Variants in UBR3 observed in about 807,000 individuals in gnomAD.
The protein encoded by UBR3 is E3 ubiquitin-protein ligase UBR3.
In UBR3, 85 loss-of-function variants were observed where a neutral mutation model predicts 243.2. The observed-to-expected ratio is 0.35, with a 90% CI of 0.29 to 0.42. UBR3 has a LOEUF of 0.42. UBR3 is among the 10% of genes least tolerant of loss of function. The pLI, the probability that UBR3 is intolerant of heterozygous loss-of-function variation, is 1.00. For missense variants in UBR3, 1,686 were observed against 2,300.8 expected (o/e 0.73, Z 5.47); for synonymous variants, 748 against 799.8 (o/e 0.94, Z 1.09).
chr2:169,969,784 C>A (rs1029255902), intron 24 of UBR3, among the ~76,000 whole-genome samples: 1 of 143,850 alleles, frequency 7.0e-6, no homozygotes, highest in Non-Finnish European at 1.6e-5. Context: ...CTCCTGACCT[C>A]GTGATCCGCC....
intron 25 of UBR3, among the ~76,000 whole-genome samples, chr2:169,988,331 A>G (rs1330898450): frequency 1.3e-5 from 2 of 152,162 alleles, no homozygotes; most frequent in African/African-American, 2.4e-5. Context: ...CTCCAGTGAA[A>G]CTTATGTTCT....
chr2:169,884,547 T>A (rs1559057126), intron 5 of UBR3, among the ~76,000 whole-genome samples: 1 of 152,238 alleles, frequency 6.6e-6, no homozygotes, highest in Non-Finnish European at 1.5e-5. Context: ...TGAATTTAAT[T>A]ACTAATGAGG....
intron 35 of UBR3, among the ~76,000 whole-genome samples, chr2:170,066,827 G>T (rs2091578948): frequency 6.6e-6 from 1 of 152,034 alleles, no homozygotes; most frequent in South Asian, 2.1e-4. Flanking sequence ...AGCCAGGCAT[G>T]GTGGCGGGTG....
At position 169,921,395 on chromosome 2, in the gene UBR3, A is replaced by G. The variant is rs547700394; in HGVS notation, c.1867-2534A>G. Among the ~76,000 whole-genome samples the G allele has an allele frequency of 2.4e-4, 36 of 152,222 alleles. 1 individual carries two copies. In the South Asian group the frequency reaches 7.1e-3, roughly 30 times the overall value. ...ATAGAGTGAAGAATGGAATCCAAGG[A>G]CTCTCAGTATATATAGGAATAGAAG... On this transcript the variant is annotated intron_variant, in intron 11 of 38. Coordinates refer to ENST00000272793, the MANE Select transcript of UBR3 (RefSeq NM_172070.4).
chr2:170,003,165 C>T lies in UBR3; in HGVS notation c.4029+1751C>T, dbSNP rs534358605. Among the ~76,000 whole-genome samples, 22 of 152,260 alleles carry T rather than the reference C, an allele frequency of 1.4e-4. No individual in the cohort carries two copies. The East Asian group carries it at 2.7e-3, about 19-fold the overall frequency. ...CCCACTGCTACTTTTTTGTGTATGC[C>T]TTCCTCACTCATCTTGATTATAGGA... On this transcript the variant is annotated intron_variant, in intron 27 of 38. Transcript: ENST00000272793.
At position 169,896,866 on chromosome 2, in the gene UBR3, G is replaced by C. The variant is rs142270425; in HGVS notation, c.1465+131G>C. On this transcript the variant is annotated intron_variant, in intron 8 of 38. Coordinates refer to ENST00000272793, the MANE Select transcript of UBR3 (RefSeq NM_172070.4). ...TATTATTAATCATATTCTAGTATTA[G>C]TGAACTTTGTATAACTAGTCTTGAA... The C allele has an allele frequency of 3.9e-3, 2,409 of 613,880 alleles. 61 individuals are homozygous for C. The African/African-American group carries it at 0.039, about 10-fold the overall frequency. 38.0% of individuals were successfully genotyped at this position (613,880 alleles called of 1,614,324 possible). A position where few individuals can be genotyped will look rare whatever the true frequency, so the allele number is the denominator to read the frequency against.
chr2:169,986,715 CTG>C lies in UBR3; in HGVS notation c.3709_3710del (p.Val1237TyrfsTer10), dbSNP rs2089020516. 6.2e-7 allele frequency: 1 copy of C among 1,614,040 alleles called. No homozygotes were observed. The highest frequency in any genetic ancestry group is 8.5e-7 in the Non-Finnish European group (1 of 1,179,972). On this transcript the variant is annotated frameshift_variant, in exon 25 of 39. Coordinates refer to ENST00000272793, the MANE Select transcript of UBR3 (RefSeq NM_172070.4). LOFTEE classifies it high-confidence loss of function. ...CACAGGTTTCCGAGGCAGTATATGA[CTG>C]TGTTATTTGTGGACAGAGTGGCCCC... ...EPQVSEAVYD[C>X]VICGQSGPSS...
chr2:170,038,916 G>T (rs929786412), intron 31 of UBR3, among the ~76,000 whole-genome samples: 11 of 152,022 alleles, frequency 7.2e-5, no homozygotes, highest in Non-Finnish European at 1.3e-4. Flanking sequence ...GAAAGATTAT[G>T]GGTTCACTTT....
At chr2:170,061,678 G>A (rs186829728) in intron 35 of UBR3, among the ~76,000 whole-genome samples, 1 of 152,124 alleles carries the variant, frequency 6.6e-6, no homozygotes, top group Non-Finnish European at 1.5e-5. Flanking sequence ...ACATTGGCCA[G>A]GCTGGTCTCA....
At chr2:169,948,150 T>C (rs537206370) in intron 22 of UBR3, among the ~76,000 whole-genome samples, 189 of 151,916 alleles carry the variant, frequency 1.2e-3, no homozygotes, top group Non-Finnish European at 2.5e-3. Flanking sequence ...TTAAAAATAA[T>C]ACTGAGTATA....
At chr2:169,858,761 A>C (rs1470053744) in intron 1 of UBR3, among the ~76,000 whole-genome samples, 1 of 151,594 alleles carries the variant, frequency 6.6e-6, no homozygotes, top group Admixed American at 6.6e-5. Flanking sequence ...CACCACACCC[A>C]GCTAATTTTT....
intron 1 of UBR3, among the ~76,000 whole-genome samples, chr2:169,867,385 A>G (rs1028024060): frequency 5.3e-5 from 8 of 152,206 alleles, no homozygotes; most frequent in African/African-American, 1.9e-4. Context: ...TTTTGTAAAA[A>G]TCAAAATATG....
rs539576273 is a variant in UBR3, at chr2:170,028,354, C to T, written c.4454-992C>T. Among the ~76,000 whole-genome samples, 15 of 151,794 alleles carry T rather than the reference C, an allele frequency of 9.9e-5. No homozygotes were observed. In the East Asian group the frequency reaches 2.9e-3, roughly 29 times the overall value. On this transcript the variant is annotated intron_variant, in intron 30 of 38. Transcript: ENST00000272793. Reference sequence around the variant, plus strand: ...AATTAACATAAAATGTAGTTAATTTCTAGGTCTGCTGGCTCACAGCAACAA... The same window carrying T: ...AATTAACATAAAATGTAGTTAATTTTTAGGTCTGCTGGCTCACAGCAACAA...
At chr2:170,067,509 C>T (rs546995829) in intron 35 of UBR3, among the ~76,000 whole-genome samples, 1 of 152,194 alleles carries the variant, frequency 6.6e-6, no homozygotes, top group South Asian at 2.1e-4. Context: ...ACTATTATGA[C>T]ATAACTACAT....
chr2:169,983,347 G>A (rs1308614924), intron 24 of UBR3, among the ~76,000 whole-genome samples: 3 of 137,450 alleles, frequency 2.2e-5, no homozygotes, highest in Non-Finnish European at 3.0e-5. Context: ...TGTAGCCTCC[G>A]CCTCCCAAGT....
At chr2:169,996,221 A>T (rs930652055) in intron 26 of UBR3, among the ~76,000 whole-genome samples, 5 of 152,202 alleles carry the variant, frequency 3.3e-5, no homozygotes, top group Admixed American at 6.5e-5. Context: ...GCAGGAGCTG[A>T]TGGACCTACA....
At chr2:169,873,229 G>A (rs1046842809) in intron 2 of UBR3, among the ~76,000 whole-genome samples, 5 of 152,048 alleles carry the variant, frequency 3.3e-5, no homozygotes, top group African/African-American at 1.2e-4. Flanking sequence ...TTAAAGTGTA[G>A]GGGAATGTTA....
chr2:169,937,082 T>C (rs2086367010), intron 19 of UBR3, among the ~76,000 whole-genome samples: 1 of 152,226 alleles, frequency 6.6e-6, no homozygotes, highest in Non-Finnish European at 1.5e-5. Context: ...TTCTAGATCC[T>C]TGAGGAATCA....
At chr2:170,072,116 T>A (rs1031139323) in intron 35 of UBR3, among the ~76,000 whole-genome samples, 1 of 152,092 alleles carries the variant, frequency 6.6e-6, no homozygotes, top group African/African-American at 2.4e-5. Flanking sequence ...TAAAGACATA[T>A]GCACACATAT....
Sources: allele counts gnomAD v4.1 joint callset (sites outside exome capture counted in the v4.1 genomes callset), GRCh38; gene constraint gnomAD v4.1.1; transcripts MANE v1.5; gene names NCBI Gene and HGNC (gene_info 2026-07-23, HGNC 2026-07-21).